RNF115: variants seen among roughly 807,000 people sequenced by gnomAD.
The protein encoded by RNF115 is E3 ubiquitin-protein ligase RNF115.
In RNF115, 31 loss-of-function variants were observed where a neutral mutation model predicts 39.2. The observed-to-expected ratio is 0.79, with a 90% CI of 0.59 to 1.07. The LOEUF is 1.07. RNF115 is among the 50% of genes least tolerant of loss of function. The pLI is 0.00. For missense variants in RNF115, 384 were observed against 381.7 expected, an observed-to-expected ratio of 1.01 and a Z score of -0.05; for synonymous variants, 124 against 131.0, an observed-to-expected ratio of 0.95 and a Z score of 0.37.
chr1:145,808,362 C>G (rs1649548165), intron 1 of RNF115, among the ~76,000 whole-genome samples: 1 of 151,990 alleles, frequency 6.6e-6, no homozygotes, highest in South Asian at 2.1e-4. Context: ...TTATTTTTGT[C>G]TTTTTAATAA....
At chr1:145,823,517 A>G (rs1439143500) in intron 1 of RNF115, among the ~76,000 whole-genome samples, 4 of 151,944 alleles carry the variant, frequency 2.6e-5, no homozygotes, top group African/African-American at 9.7e-5. Context: ...AGAAAAAAAA[A>G]AATTAAGGAC....
intron 6 of RNF115, 37 bp from the exon 7 acceptor site, chr1:145,750,537 A>G (rs1658040094): frequency 5.3e-6 from 8 of 1,507,434 alleles, no homozygotes; most frequent in Middle Eastern, 3.4e-4. Context: ...GAAGTGGCAG[A>G]CATCGCAATA....
At chr1:145,822,225 G>A (rs1356006316) in intron 1 of RNF115, among the ~76,000 whole-genome samples, 1 of 151,862 alleles carries the variant, frequency 6.6e-6, no homozygotes. Context: ...GCTACCCGGA[G>A]GCCGAGGCAG....
Position 145,794,501 on chromosome 1 carries a change from TC to T in RNF115, c.103-5536del, listed in dbSNP as rs144775048. ...CATGGCAAGGGGCATCTAATCTCTT[TC>T]TTTTTTTTTTTTTTTTTTTTTTTTT... On this transcript the variant is annotated intron_variant, in intron 1 of 8. Coordinates refer to ENST00000582693, the MANE Select transcript of RNF115 (RefSeq NM_014455.4). Among the ~76,000 whole-genome samples, 386 of 136,454 alleles carry T rather than the reference TC, an allele frequency of 2.8e-3. 5 individuals are homozygous for T. Among genetic ancestry groups the T allele is most frequent in the African/African-American group, 0.011 (372 of 35,398 alleles). The allele number at this position is 136,454 out of a possible 152,430, so 89.5% of individuals were successfully genotyped here. A position where few individuals can be genotyped will look rare whatever the true frequency, so the allele number is the denominator to read the frequency against.
intron 4 of RNF115, among the ~76,000 whole-genome samples, chr1:145,759,084 G>A (rs587661279): frequency 1.3e-5 from 2 of 152,184 alleles, no homozygotes; most frequent in South Asian, 4.2e-4. Flanking sequence ...AGCCTCTCTA[G>A]GTTTTCCTTG....
intron 8 of RNF115, among the ~76,000 whole-genome samples, chr1:145,747,349 G>C (rs1657913128): frequency 6.6e-6 from 1 of 152,104 alleles, no homozygotes; most frequent in Admixed American, 6.5e-5. Flanking sequence ...CAAACTTTTT[G>C]TTTAAAGGGA....
At chr1:145,788,235 C>T (rs1648482796) in intron 2 of RNF115, among the ~76,000 whole-genome samples, 1 of 152,262 alleles carries the variant, frequency 6.6e-6, no homozygotes, top group South Asian at 2.1e-4. Context: ...GCGCCCGCCA[C>T]TATACCCAGC....
chr1:145,758,943 T>G (rs1273112525), intron 4 of RNF115, among the ~76,000 whole-genome samples: 1 of 152,218 alleles, frequency 6.6e-6, no homozygotes, highest in Non-Finnish European at 1.5e-5. Flanking sequence ...GGGGAAGATG[T>G]GGAGGGAAGG....
chr1:145,815,288 CTACTA>C (rs1553723368), intron 1 of RNF115, among the ~76,000 whole-genome samples: 2 of 152,302 alleles, frequency 1.3e-5, no homozygotes, highest in African/African-American at 4.8e-5. Context: ...GGAGAGAAGC[CTACTA>C]CATAGTTTCT....
intron 3 of RNF115, among the ~76,000 whole-genome samples, chr1:145,783,401 C>T (rs1384539998): frequency 6.6e-6 from 1 of 152,072 alleles, no homozygotes; most frequent in Non-Finnish European, 1.5e-5. Context: ...AATGTGGGGG[C>T]TACAGGTCTT....
chr1:145,779,665 T>C (rs587661488), intron 3 of RNF115, among the ~76,000 whole-genome samples: 44 of 152,066 alleles, frequency 2.9e-4, no homozygotes, highest in African/African-American at 1.1e-3. Flanking sequence ...CAATATGGGA[T>C]ATTTCTTTAT....
In RNF115 at chr1:145,740,644, G is replaced by C. The variant is rs1310147791; in HGVS notation, c.*6222C>G. 6.6e-6 allele frequency: 1 copy of C among 152,160 alleles called. No homozygotes were observed. The highest frequency in any genetic ancestry group is 1.9e-4 in the East Asian group (1 of 5,204). The allele number at this position is 152,160 out of a possible 1,614,324, so 9.4% of individuals were successfully genotyped here. A position where few individuals can be genotyped will look rare whatever the true frequency, so the allele number is the denominator to read the frequency against. ...TGTGAGGCCATGAGGTTATCAGAAG[G>C]AATCTATATACCATAATCTTCAGCC... On this transcript the variant is annotated 3_prime_UTR_variant, in exon 9 of 9. Transcript: ENST00000582693.
intron 4 of RNF115, among the ~76,000 whole-genome samples, chr1:145,766,427 T>G (rs1559110779): frequency 6.6e-6 from 1 of 152,154 alleles, no homozygotes; most frequent in Non-Finnish European, 1.5e-5. Flanking sequence ...ATCTGATTTC[T>G]CAATCTTTTC....
chr1:145,799,522 T>G (rs1296625674), intron 1 of RNF115, among the ~76,000 whole-genome samples: 1 of 151,844 alleles, frequency 6.6e-6, no homozygotes, highest in East Asian at 1.9e-4. Context: ...ATGGGCATCT[T>G]TGCCATGTTC....
chr1:145,812,008 C>A (rs1649748346), intron 1 of RNF115, among the ~76,000 whole-genome samples: 1 of 135,368 alleles, frequency 7.4e-6, no homozygotes, highest in South Asian at 2.3e-4. Context: ...TTTCAAAATA[C>A]TTATAAGAAG....
intron 1 of RNF115, among the ~76,000 whole-genome samples, chr1:145,794,882 T>C (rs1553719676): frequency 6.6e-6 from 1 of 151,830 alleles, no homozygotes; most frequent in Non-Finnish European, 1.5e-5. Flanking sequence ...CCGTGCGTGG[T>C]GGCGGGCGCC....
chr1:145,823,668 T>A, intron 1 of RNF115, 104 bp downstream of exon 1: 1 of 951,710 alleles, frequency 1.1e-6, no homozygotes, highest in Non-Finnish European at 1.5e-6. Context: ...GGCAGACCGA[T>A]GTCGGGCGAG....
chr1:145,804,503 A>G (rs1178195203), intron 1 of RNF115, among the ~76,000 whole-genome samples: 13 of 6,616 alleles, frequency 2.0e-3, no homozygotes, highest in East Asian at 0.019. Flanking sequence ...ATGCATGCAC[A>G]CACACACACA....
chr1:145,809,224 T>C (rs1412435704), intron 1 of RNF115, among the ~76,000 whole-genome samples: 1 of 148,472 alleles, frequency 6.7e-6, no homozygotes. Flanking sequence ...TCTCACTCTG[T>C]TGCCCAGGCT....
Sources: gnomAD v4.1 joint callset for allele counts (sites outside exome capture counted in the v4.1 genomes callset) on GRCh38, gnomAD v4.1.1 for gene constraint, MANE v1.5 for transcripts, NCBI Gene and HGNC (gene_info 2026-07-23, HGNC 2026-07-21) for gene names.